The following OPHN1 variants were observed in gnomAD, a reference collection of about 807,000 sequenced individuals.
OPHN1 encodes the protein oligophrenin 1.
Under a neutral mutation model 60.7 loss-of-function variants are expected in OPHN1, and 11 were observed. That is an observed-to-expected ratio of 0.18 (90% CI 0.11 to 0.30). The LOEUF (loss-of-function observed/expected upper bound fraction) is 0.30, where lower values mean the gene tolerates loss of function less well. Ranked by LOEUF, OPHN1 falls within the 10% of genes least tolerant of loss-of-function variation. The pLI, the probability that OPHN1 is intolerant of heterozygous loss-of-function variation, is 1.00. For missense variants in OPHN1, 449 were observed against 611.0 expected, an observed-to-expected ratio of 0.73 and a Z score of 2.80; for synonymous variants, 226 against 222.6, an observed-to-expected ratio of 1.02 and a Z score of -0.14.
At chrX:68,370,011 A>AACATATATATATATATATATATAT (rs2078519052) in intron 2 of OPHN1, among the ~76,000 whole-genome samples, 1 of 64,385 alleles carries the variant, frequency 1.6e-5, no homozygotes, top group African/African-American at 7.8e-5. Context: ...AAATTGCTGA[A>AACATATATATATATATATATATAT]ATATATATAT....
intron 3 of OPHN1, among the ~76,000 whole-genome samples, chrX:68,298,306 A>G (rs1356184517): frequency 1.8e-5 from 2 of 112,153 alleles, no homozygotes; most frequent in Non-Finnish European, 3.8e-5. Flanking sequence ...ATAAATGAGT[A>G]TGGGTATGTT....
At chrX:68,368,150 T>C (rs2078508867) in intron 2 of OPHN1, among the ~76,000 whole-genome samples, 1 of 111,420 alleles carries the variant, frequency 9.0e-6, no homozygotes, top group Admixed American at 9.7e-5. Flanking sequence ...TTATTATAGT[T>C]GAAACAAACA....
At chrX:68,241,857 G>A (rs1016290891) in intron 5 of OPHN1, among the ~76,000 whole-genome samples, 3 of 111,378 alleles carry the variant, frequency 2.7e-5, no homozygotes, top group African/African-American at 6.5e-5. Context: ...GGAGGCGGAG[G>A]TTGCAGTGAG....
At chrX:68,201,534 G>T in intron 11 of OPHN1, 85 bp downstream of exon 11, 1 of 730,080 alleles carries the variant, frequency 1.4e-6, no homozygotes, top group Non-Finnish European at 2.2e-6. Context: ...TCATCAACGT[G>T]GGATGACGGA....
intron 6 of OPHN1, among the ~76,000 whole-genome samples, chrX:68,228,592 C>T (rs2077710060): frequency 9.0e-6 from 1 of 111,613 alleles, no homozygotes; most frequent in Non-Finnish European, 1.9e-5. Context: ...CCCTGGGCTG[C>T]AAGGCTCGTT....
chrX:68,149,199 T>C (rs964203768), intron 15 of OPHN1, among the ~76,000 whole-genome samples: 2 of 111,521 alleles, frequency 1.8e-5, no homozygotes, highest in Admixed American at 1.9e-4. Context: ...GCTTTCATAA[T>C]TCAACCAACC....
chrX:68,356,385 C>G (rs1339930736), intron 2 of OPHN1, among the ~76,000 whole-genome samples: 1 of 109,276 alleles, frequency 9.2e-6, no homozygotes, highest in Non-Finnish European at 1.9e-5. Context: ...ACTTGCCAAG[C>G]CTCCACAATC....
chrX:68,375,367 C>A (rs1217857947), intron 2 of OPHN1, among the ~76,000 whole-genome samples: 1 of 111,140 alleles, frequency 9.0e-6, no homozygotes, highest in Non-Finnish European at 1.9e-5. Flanking sequence ...CATGGAGGTG[C>A]ACACCTGTAG....
chrX:68,249,515 T>A (rs189537699), intron 5 of OPHN1, among the ~76,000 whole-genome samples: 306 of 111,615 alleles, frequency 2.7e-3, no homozygotes, highest in African/African-American at 9.8e-3. Context: ...CCAGAGGAAG[T>A]TAGCACAAAT....
At chrX:68,329,210 A>G (rs1282337795) in intron 2 of OPHN1, among the ~76,000 whole-genome samples, 3 of 112,556 alleles carry the variant, frequency 2.7e-5, no homozygotes, top group African/African-American at 9.7e-5. Context: ...GAGCCACTGT[A>G]CCCAGCCTCA....
At chrX:68,225,725 C>A (rs1375966806) in intron 6 of OPHN1, among the ~76,000 whole-genome samples, 1 of 111,971 alleles carries the variant, frequency 8.9e-6, no homozygotes, top group Non-Finnish European at 1.9e-5. Flanking sequence ...ATCTGTGCGT[C>A]ACCATCATCA....
At chrX:68,246,902 C>T (rs1645962298) in intron 5 of OPHN1, among the ~76,000 whole-genome samples, 2 of 110,980 alleles carry the variant, frequency 1.8e-5, no homozygotes, top group Admixed American at 1.9e-4. Context: ...ATATCTTACC[C>T]AATGCAAAAA....
intron 2 of OPHN1, among the ~76,000 whole-genome samples, chrX:68,401,871 T>C (rs1162377750): frequency 9.0e-6 from 1 of 111,488 alleles, no homozygotes; most frequent in Non-Finnish European, 1.9e-5. Flanking sequence ...CCAATTTAGC[T>C]TGATAGCCAA....
At chrX:68,262,465 A>G (rs988233920) in intron 5 of OPHN1, among the ~76,000 whole-genome samples, 3 of 112,230 alleles carry the variant, frequency 2.7e-5, no homozygotes, top group African/African-American at 9.7e-5. Context: ...ATGAAACTGC[A>G]GATCACACAT....
At chrX:68,098,086 G>A (rs973916838) in intron 18 of OPHN1, among the ~76,000 whole-genome samples, 2 of 109,921 alleles carry the variant, frequency 1.8e-5, no homozygotes, top group African/African-American at 3.3e-5. Context: ...TGCTCATGTC[G>A]TTCTCTCTAC....
chrX:68,057,238 A>T (rs1235966790), intron 21 of OPHN1, among the ~76,000 whole-genome samples: 1 of 111,684 alleles, frequency 9.0e-6, no homozygotes, highest in Non-Finnish European at 1.9e-5. Context: ...CCCCACCCTC[A>T]TACGTCCTAG....
chrX:68,348,013 C>CCT (rs975516308), intron 2 of OPHN1, among the ~76,000 whole-genome samples: 15 of 111,823 alleles, frequency 1.3e-4, no homozygotes, highest in African/African-American at 1.6e-4. Flanking sequence ...CTGCCAATTA[C>CCT]CAGCTATAAG....
intron 6 of OPHN1, among the ~76,000 whole-genome samples, chrX:68,222,364 A>C (rs1462321765): frequency 1.0e-4 from 11 of 108,295 alleles, no homozygotes; most frequent in Non-Finnish European, 1.9e-4. Flanking sequence ...TGTGGAAGTC[A>C]GTGTGGCGAT....
chrX:68,381,836 T>TCTCTCTCGCTGTCTCTTTCTTTCTCTCC (rs2078598493), intron 2 of OPHN1, among the ~76,000 whole-genome samples: 1 of 111,160 alleles, frequency 9.0e-6, no homozygotes, highest in Non-Finnish European at 1.9e-5. Context: ...TCTTTCTCTC[T>TCTCTCTCGCTGTCTCTTTCTTTCTCTCC]CTCTCTCGCT....
Sources: gnomAD v4.1 joint callset for allele counts (sites outside exome capture counted in the v4.1 genomes callset) on GRCh38, gnomAD v4.1.1 for gene constraint, MANE v1.5 for transcripts, NCBI Gene and HGNC (gene_info 2026-07-23, HGNC 2026-07-21) for gene names.